Variants in MSRA observed in about 807,000 individuals in gnomAD.
MSRA encodes methionine sulfoxide reductase A.
A neutral mutation model predicts 31.3 loss-of-function variants in MSRA; 54 were observed. That is an observed-to-expected ratio of 1.73 (90% CI 1.39 to 2.17). The LOEUF (loss-of-function observed/expected upper bound fraction) is 2.17. Ranked by LOEUF, MSRA falls within the 30% of genes most tolerant of loss-of-function variation. The pLI is 0.00. For missense variants in MSRA, 507 were observed against 300.9 expected (o/e 1.69, Z -5.07); for synonymous variants, 169 against 116.5 (o/e 1.45, Z -2.90).
intron 5 of MSRA, among the ~76,000 whole-genome samples, chr8:10,425,051 A>G (rs1038062160): frequency 1.3e-5 from 2 of 152,192 alleles, no homozygotes; most frequent in Non-Finnish European, 2.9e-5. Context: ...AAGGGGGACC[A>G]GGAAGACACT....
At chr8:10,380,933 G>T (rs1007854128) in intron 5 of MSRA, among the ~76,000 whole-genome samples, 1 of 151,692 alleles carries the variant, frequency 6.6e-6, no homozygotes. Context: ...GGATGGATGG[G>T]TGGTGGGAGG....
chr8:10,227,064 A>C lies in MSRA; in HGVS notation c.212-18040A>C, dbSNP rs529032964. On this transcript the variant is annotated intron_variant, in intron 2 of 5. Coordinates refer to ENST00000317173, the MANE Select transcript of MSRA (RefSeq NM_012331.5). ...GCTCACCAGTCCATCCCTGGGGAGC[A>C]GCTGTGGCTCCACTGTCCTTCAGAG... Among the ~76,000 whole-genome samples, 4 of 152,330 alleles carry C rather than the reference A, an allele frequency of 2.6e-5. No homozygotes were observed. In the South Asian group the frequency reaches 8.3e-4, roughly 32 times the overall value.
intron 2 of MSRA, among the ~76,000 whole-genome samples, chr8:10,235,227 T>G (rs1037317212): frequency 6.6e-6 from 1 of 152,098 alleles, no homozygotes; most frequent in Non-Finnish European, 1.5e-5. Context: ...TTCTCTAACA[T>G]GATGCAATCA....
chr8:10,392,860 C>T (rs914146193), intron 5 of MSRA, among the ~76,000 whole-genome samples: 7 of 121,324 alleles, frequency 5.8e-5, no homozygotes, highest in Admixed American at 2.0e-4. Context: ...TTCTGGCTAA[C>T]ATGGTAAAAC....
At position 10,169,917 on chromosome 8, in the gene MSRA, C is replaced by CTT. The variant is rs71538069; in HGVS notation, c.143-37902_143-37901dup. Among the ~76,000 whole-genome samples, 609 of 131,916 alleles carry CTT rather than the reference C, an allele frequency of 4.6e-3. 11 individuals are homozygous for CTT. The highest frequency in any genetic ancestry group is 0.013 in the African/African-American group (471 of 35,700). 86.5% of individuals were successfully genotyped at this position (131,916 alleles called of 152,430 possible). On this transcript the variant is annotated intron_variant, in intron 1 of 5. Transcript: ENST00000317173. ...CCATTCCTTGGTATTTTCTTTCTTTCTTTTTTTTTTTTTTTGAGACGGAGT... is the reference window on the plus strand; with the variant it reads ...CCATTCCTTGGTATTTTCTTTCTTTCTTTTTTTTTTTTTTTTTGAGACGGAGT...
intron 5 of MSRA, 129 bp downstream of exon 5, chr8:10,320,118 T>G (rs1311679807): frequency 6.7e-6 from 4 of 593,116 alleles, no homozygotes; most frequent in Non-Finnish European, 8.9e-6. Flanking sequence ...TAGAAATTTC[T>G]GTCAGCCTCT....
At chr8:10,248,773 G>A (rs914680376) in intron 3 of MSRA, among the ~76,000 whole-genome samples, 13 of 152,210 alleles carry the variant, frequency 8.5e-5, no homozygotes, top group Admixed American at 6.5e-4. Flanking sequence ...CACTAATGGG[G>A]CTGTTCATGG....
chr8:10,421,079 G>C (rs1381083954), intron 5 of MSRA, among the ~76,000 whole-genome samples: 1 of 152,092 alleles, frequency 6.6e-6, no homozygotes, highest in Non-Finnish European at 1.5e-5. Context: ...ATGTGAGCTG[G>C]GTAGGGAGAG....
chr8:10,195,429 T>C (rs1386350032), intron 1 of MSRA, among the ~76,000 whole-genome samples: 1 of 152,194 alleles, frequency 6.6e-6, no homozygotes, highest in East Asian at 1.9e-4. Flanking sequence ...TTAGCAGAGA[T>C]GGGGGTTCCC....
chr8:10,357,289 C>T (rs764490614), intron 5 of MSRA, among the ~76,000 whole-genome samples: 3 of 152,312 alleles, frequency 2.0e-5, no homozygotes, highest in Middle Eastern at 3.4e-3. Flanking sequence ...GCTTCCATGT[C>T]ATTTTCCATT....
chr8:10,204,828 G>A (rs146696912), intron 1 of MSRA, among the ~76,000 whole-genome samples: 8 of 152,286 alleles, frequency 5.3e-5, no homozygotes, highest in South Asian at 2.1e-4. Flanking sequence ...TCAAATGCCC[G>A]TTCTGTGTCC....
intron 3 of MSRA, among the ~76,000 whole-genome samples, chr8:10,245,705 C>T (rs989244159): frequency 2.6e-5 from 4 of 152,232 alleles, no homozygotes; most frequent in African/African-American, 9.6e-5. Flanking sequence ...ATGTCTTCAG[C>T]ACACTGGCCT....
intron 5 of MSRA, among the ~76,000 whole-genome samples, chr8:10,379,451 C>T (rs975833815): frequency 4.6e-5 from 7 of 152,206 alleles, no homozygotes; most frequent in Admixed American, 1.3e-4. Context: ...AGGGGGAGCC[C>T]GGGCTGAGGC....
intron 1 of MSRA, among the ~76,000 whole-genome samples, chr8:10,178,004 C>A (rs1270357481): frequency 6.6e-6 from 1 of 152,148 alleles, no homozygotes; most frequent in South Asian, 2.1e-4. Context: ...GGGTTTATAT[C>A]CTCCTTACCG....
At chr8:10,130,612 A>G (rs951286271) in intron 1 of MSRA, among the ~76,000 whole-genome samples, 13 of 152,192 alleles carry the variant, frequency 8.5e-5, no homozygotes, top group African/African-American at 7.2e-5. Flanking sequence ...TGGCGTCACT[A>G]TGCACACACA....
chr8:10,142,049 C>T (rs1005596138), intron 1 of MSRA, among the ~76,000 whole-genome samples: 4 of 152,184 alleles, frequency 2.6e-5, no homozygotes, highest in African/African-American at 9.7e-5. Context: ...ACCTCTGCCT[C>T]CTGGGTTCAA....
chr8:10,211,103 A>G (rs191974369), intron 2 of MSRA, among the ~76,000 whole-genome samples: 24 of 152,252 alleles, frequency 1.6e-4, no homozygotes, highest in Admixed American at 1.5e-3. Context: ...CGAAATAAGA[A>G]CTTTGAAATG....
chr8:10,369,513 G>T (rs1047275469), intron 5 of MSRA, among the ~76,000 whole-genome samples: 5 of 152,172 alleles, frequency 3.3e-5, no homozygotes, highest in Admixed American at 2.0e-4. Flanking sequence ...TGAAGACTTT[G>T]TCATCTTTTG....
At position 10,421,046 on chromosome 8, in the gene MSRA, G is replaced by A. The variant is rs970968057; in HGVS notation, c.544-7102G>A. Among the ~76,000 whole-genome samples, 11 of 152,224 alleles carry A rather than the reference G, an allele frequency of 7.2e-5. No individual in the cohort carries two copies. In the South Asian group the frequency reaches 8.3e-4, roughly 11 times the overall value. On this transcript the variant is annotated intron_variant, in intron 5 of 5. Transcript: ENST00000317173. ...CAAAGAGATGGCCTGTGAAATAAAC[G>A]TCACGTGTTTTGAGTCCCGGGGATG...
Sources: gnomAD v4.1 joint callset for allele counts (sites outside exome capture counted in the v4.1 genomes callset) on GRCh38, gnomAD v4.1.1 for gene constraint, MANE v1.5 for transcripts, NCBI Gene and HGNC (gene_info 2026-07-23, HGNC 2026-07-21) for gene names.